SDHAF4: variants seen among roughly 807,000 people sequenced by gnomAD.
SDHAF4 encodes the protein succinate dehydrogenase assembly factor 4, mitochondrial.
SDHAF4 carries 14 observed loss-of-function variants against 14.3 expected under a neutral mutation model. The observed-to-expected ratio is 0.98, with a 90% CI of 0.65 to 1.53. The LOEUF (loss-of-function observed/expected upper bound fraction) is 1.53, where lower values mean the gene tolerates loss of function less well. Ranked by LOEUF, SDHAF4 falls within the 40% of genes most tolerant of loss-of-function variation. The probability of loss-of-function intolerance (pLI) is 0.00; values close to 1 mark genes in which losing one functional copy is unlikely to be tolerated. For missense variants in SDHAF4, 141 were observed against 129.3 expected, an observed-to-expected ratio of 1.09 and a Z score of -0.44; for synonymous variants, 63 against 47.3, an observed-to-expected ratio of 1.33 and a Z score of -1.36.
At chr6:70,568,968 T>TC (rs1266933494) in intron 1 of SDHAF4, among the ~76,000 whole-genome samples, 3 of 136,026 alleles carry the variant, frequency 2.2e-5, no homozygotes, top group East Asian at 2.0e-4. Flanking sequence ...TTTTCTTTTT[T>TC]TTTTTTTTTT....
At chr6:70,570,005 C>G (rs1027951480) in intron 1 of SDHAF4, among the ~76,000 whole-genome samples, 2 of 152,104 alleles carry the variant, frequency 1.3e-5, no homozygotes, top group African/African-American at 4.8e-5. Context: ...GACCTTTCCC[C>G]TACTGATATA....
chr6:70,591,434 C>T (rs150443364), downstream of SDHAF4, among the ~76,000 whole-genome samples: 3,755 of 144,450 alleles, frequency 0.026, 106 homozygotes, highest in African/African-American at 0.073. Context: ...CTGGTTCAAG[C>T]GATTCTCCTG....
the SDHAF4 span, among the ~76,000 whole-genome samples, chr6:70,597,299 A>ATTT: frequency 6.1e-3 from 662 of 108,048 alleles, 11 homozygotes; most frequent in African/African-American, 0.016. Context: ...CGCCTGGCTA[A>ATTT]TTTTTTTTTT....
Position 70,570,383 on chromosome 6 carries a change from C to T in SDHAF4, c.64+3379C>T, listed in dbSNP as rs959570917. Among the ~76,000 whole-genome samples, 36 of 152,142 alleles carry T rather than the reference C, an allele frequency of 2.4e-4. 2 individuals are homozygous for T. The highest frequency in any genetic ancestry group is 2.2e-3 in the Admixed American group (33 of 15,274). On this transcript the variant is annotated intron_variant, in intron 1 of 2. Transcript: ENST00000370474. ...TGTCACCCAGGCTGGAGTGCAGTGG[C>T]GCAATCTCTGCTCACTGCAACCTCC...
intron 2 of SDHAF4, among the ~76,000 whole-genome samples, chr6:70,581,887 G>A (rs1765130835): frequency 6.6e-6 from 1 of 152,104 alleles, no homozygotes; most frequent in Admixed American, 6.5e-5. Flanking sequence ...GGGATTACAA[G>A]TATGAGCCAC....
chr6:70,588,643 C>T lies in SDHAF4; in HGVS notation c.246C>T (p.Thr82=). ...TTCCAGATGATGTTAATCCAGTGAC[C>T]AAAGAAAAAGGTGGACCCAGGGGCC... ...EKFPDDVNPV[T]KEKGGPRGPE... is the part of the protein sequence containing the mutation. Residue 82 remains threonine, a synonymous_variant, in exon 3 of 3, where the codon ACC becomes ACT. Transcript: ENST00000370474. 6.3e-7 allele frequency: 1 copy of T among 1,598,172 alleles called. No individual in the cohort carries two copies. The highest frequency in any genetic ancestry group is 8.5e-7 in the Non-Finnish European group (1 of 1,169,686).
At chr6:70,588,477 G>A (rs1357435040) in intron 2 of SDHAF4, 138 bp from the exon 3 acceptor site, 7 of 414,210 alleles carry the variant, frequency 1.7e-5, no homozygotes, top group South Asian at 4.3e-5. Flanking sequence ...CCCAGATCAC[G>A]CCACTGCAAT....
At chr6:70,582,028 C>G (rs938438616) in intron 2 of SDHAF4, among the ~76,000 whole-genome samples, 1 of 152,090 alleles carries the variant, frequency 6.6e-6, no homozygotes, top group African/African-American at 2.4e-5. Context: ...GTTCTTAGCC[C>G]CCTAAGTATT....
At chr6:70,597,299 A>ATTTTTTTTTTTTTTTTTTTTT in the SDHAF4 span, among the ~76,000 whole-genome samples, 18 of 108,076 alleles carry the variant, frequency 1.7e-4, no homozygotes, top group Non-Finnish European at 2.3e-4. Context: ...CGCCTGGCTA[A>ATTTTTTTTTTTTTTTTTTTTT]TTTTTTTTTT....
At chr6:70,575,788 T>C (rs1802247916) in intron 1 of SDHAF4, among the ~76,000 whole-genome samples, 1 of 151,934 alleles carries the variant, frequency 6.6e-6, no homozygotes, top group East Asian at 1.9e-4. Context: ...TTTCTTCTTG[T>C]CTATTATGTC....
intron 1 of SDHAF4, among the ~76,000 whole-genome samples, chr6:70,571,899 G>C (rs912707889): frequency 6.6e-6 from 1 of 151,652 alleles, no homozygotes; most frequent in Admixed American, 6.6e-5. Context: ...ATTTTGTATT[G>C]TTTCAATATA....
intron 1 of SDHAF4, among the ~76,000 whole-genome samples, chr6:70,572,788 C>G (rs535976435): frequency 6.6e-6 from 1 of 151,932 alleles, no homozygotes; most frequent in African/African-American, 2.4e-5. Context: ...AATTACATTC[C>G]TCTGTTCAGA....
In SDHAF4 at chr6:70,573,113, G is replaced by A. The variant is rs996504825; in HGVS notation, c.64+6109G>A. Reference sequence around the variant, plus strand: ...CCTCAGCCTTCTGCCAAGTAGCTAAGACTATAGGCACCACCGTCATGCAGT... The same window carrying A: ...CCTCAGCCTTCTGCCAAGTAGCTAAAACTATAGGCACCACCGTCATGCAGT... On this transcript the variant is annotated intron_variant, in intron 1 of 2. Transcript: ENST00000370474. 2.6e-5 allele frequency among the ~76,000 whole-genome samples: 4 copies of A among 151,790 alleles called. No homozygotes were observed. In the South Asian group the frequency reaches 8.3e-4, roughly 32 times the overall value.
At chr6:70,588,437 T>C (rs1015764911) in intron 2 of SDHAF4, among the ~76,000 whole-genome samples, 178 bp from the exon 3 acceptor site, 3 of 152,128 alleles carry the variant, frequency 2.0e-5, no homozygotes, top group African/African-American at 7.2e-5. Context: ...GGAAAATCAC[T>C]TGAACCCAGA....
intron 1 of SDHAF4, among the ~76,000 whole-genome samples, chr6:70,573,056 C>G (rs1203558680): frequency 6.6e-6 from 1 of 151,912 alleles, no homozygotes; most frequent in Non-Finnish European, 1.5e-5. Flanking sequence ...CTCATTACAC[C>G]CTTGATCTCC....
intron 1 of SDHAF4, among the ~76,000 whole-genome samples, chr6:70,574,931 A>G (rs1802232750): frequency 6.6e-6 from 1 of 152,174 alleles, no homozygotes; most frequent in South Asian, 2.1e-4. Context: ...CTTGTTTCAA[A>G]AAACAACAAA....
At chr6:70,570,523 A>T (rs1409243659) in intron 1 of SDHAF4, among the ~76,000 whole-genome samples, 1 of 152,002 alleles carries the variant, frequency 6.6e-6, no homozygotes, top group Non-Finnish European at 1.5e-5. Flanking sequence ...GGGTTTTGCC[A>T]TGTTAGCCAA....
At chr6:70,594,353 G>A (rs1477190073), downstream of SDHAF4, among the ~76,000 whole-genome samples, 10 of 152,198 alleles carry the variant, frequency 6.6e-5, no homozygotes, top group Non-Finnish European at 1.5e-4. Context: ...CAGTATTAAT[G>A]AGATGGGAAA....
chr6:70,567,045 G>A (rs552802593), intron 1 of SDHAF4, 41 bp downstream of exon 1: 76 of 1,537,654 alleles, frequency 4.9e-5, no homozygotes, highest in Non-Finnish European at 6.3e-5. Flanking sequence ...GGGAGGGGTC[G>A]TGAAGGCCCA....
Sources: gnomAD v4.1 joint callset for allele counts (sites outside exome capture counted in the v4.1 genomes callset) on GRCh38, gnomAD v4.1.1 for gene constraint, MANE v1.5 for transcripts, NCBI Gene and HGNC (gene_info 2026-07-23, HGNC 2026-07-21) for gene names.